PI4KA: variants seen among roughly 807,000 people sequenced by gnomAD.
The protein encoded by PI4KA is PI4-kinase alpha.
Under a neutral mutation model 271.4 loss-of-function variants are expected in PI4KA, and 122 were observed. That is an observed-to-expected ratio of 0.45 (90% CI 0.39 to 0.52). The LOEUF (loss-of-function observed/expected upper bound fraction) is 0.52. PI4KA is among the 20% of genes least tolerant of loss of function. PI4KA has a pLI of 0.00. For missense variants in PI4KA, 1,969 were observed against 2,769.1 expected (o/e 0.71, Z 6.48); for synonymous variants, 1,041 against 1,078.8 (o/e 0.96, Z 0.69).
chr22:20,742,796 T>C (rs1248561273), intron 30 of PI4KA, 32 bp from the exon 31 acceptor site: 2 of 1,610,728 alleles, frequency 1.2e-6, no homozygotes, highest in African/African-American at 2.7e-5. Context: ...CAACTAAGCA[T>C]ATAATCCAGG....
chr22:20,787,331 T>C (rs757459258), intron 19 of PI4KA: 2 of 496,836 alleles, frequency 4.0e-6, no homozygotes, highest in South Asian at 2.0e-5. Context: ...ACCTCCCCAC[T>C]CTTCACAGCA....
chr22:20,713,379 G>T lies in PI4KA; in HGVS notation c.5473C>A (p.Arg1825Ser), dbSNP rs749302136. ...SELEKEGLRC[R>S]SDSEDECSTQ... Reference sequence around the variant, plus strand: ...CTGCACTCATCCTCGGAGTCTGAGCGGCACCGCAGACCTGCCCGCAGGGAG... The same window carrying T: ...CTGCACTCATCCTCGGAGTCTGAGCTGCACCGCAGACCTGCCCGCAGGGAG... The change falls in exon 48 of 55, where the codon CGC becomes AGC. Residue 1825 changes from arginine (R) to serine (S), a missense_variant. This residue lies in a region of PI4KA where 388 missense variants were observed against 521.5 expected (regional missense o/e 0.74). Coordinates refer to ENST00000255882, the MANE Select transcript of PI4KA (RefSeq NM_058004.4). 1 of 1,576,758 alleles carries T rather than the reference G, an allele frequency of 6.3e-7. No individual in the cohort carries two copies. The highest frequency in any genetic ancestry group is 8.6e-7 in the Non-Finnish European group (1 of 1,159,496).
chr22:20,828,298 GAA>G (rs1166529113), intron 3 of PI4KA, among the ~76,000 whole-genome samples: 1 of 152,082 alleles, frequency 6.6e-6, no homozygotes, highest in East Asian at 1.9e-4. Flanking sequence ...TATAATCTAT[GAA>G]AAGAGATCGT....
chr22:20,840,583 C>T (rs1055757076), intron 1 of PI4KA, among the ~76,000 whole-genome samples: 31 of 152,044 alleles, frequency 2.0e-4, no homozygotes, highest in African/African-American at 7.5e-4. Context: ...GCAGCTGAGG[C>T]GAAGATGTTA....
intron 6 of PI4KA, among the ~76,000 whole-genome samples, chr22:20,819,087 A>T (rs1244887465): frequency 6.6e-6 from 1 of 152,216 alleles, no homozygotes; most frequent in Non-Finnish European, 1.5e-5. Context: ...TACACTATTT[A>T]TTGAGTATAA....
intron 45 of PI4KA, 55 bp from the exon 46 acceptor site, chr22:20,714,755 A>G: frequency 6.4e-7 from 1 of 1,573,288 alleles, no homozygotes; most frequent in Non-Finnish European, 8.7e-7. Flanking sequence ...CAGGTGAGCC[A>G]GAGTCAGTTT....
rs771228868 is a variant in PI4KA at position 20,813,394 on chromosome 22, G to A, written c.969C>T (p.Asn323=). The A allele has an allele frequency of 2.5e-6, 4 of 1,613,658 alleles. No homozygotes were observed. The East Asian group carries it at 8.9e-5, about 36-fold the overall frequency. The change falls in exon 8 of 55, where the codon AAC becomes AAT. Residue 323 remains asparagine (N), a synonymous_variant. Coordinates refer to ENST00000255882, the MANE Select transcript of PI4KA (RefSeq NM_058004.4). ...GTTCCCGAAGCATTTCCAATGGAAT[G>A]TTAAACTCCTTATATGTGACACCGT... ...LFNGVTYKEF[N]IPLEMLRELL...
Position 20,796,167 on chromosome 22 carries a change from G to A in PI4KA, c.2256C>T (p.Ser752=), listed in dbSNP as rs569657307. ...CTACCTTTAGGGCAGGGCCCTTCTC[G>A]CTTGCCCTCTCGCTGGCTCGCTTCC... The part of the protein sequence containing the change: ...LEGKRASERA[S]EKGPALKASS... The change falls in exon 18 of 55, where the codon AGC becomes AGT. Residue 752 remains serine, a synonymous_variant. Transcript: ENST00000255882. The A allele has an allele frequency of 6.1e-5, 98 of 1,613,702 alleles. No individual in the cohort carries two copies. In the African/African-American group the frequency reaches 8.9e-4, roughly 15 times the overall value.
chr22:20,817,734 C>CAAAAAAAAAAAAAA lies in PI4KA; in HGVS notation c.856+735_856+748dup. On this transcript the variant is annotated intron_variant, in intron 7 of 54. Coordinates refer to ENST00000255882, the MANE Select transcript of PI4KA (RefSeq NM_058004.4). The stretch of plus-strand genomic sequence containing the variant: ...GGGTGGCAGAGTGAGACTCTCTCTC[C>CAAAAAAAAAAAAAA]AAAAAAAAAAAAAAAAAAAAAAAAA... 9.3e-4 allele frequency among the ~76,000 whole-genome samples: 13 copies of CAAAAAAAAAAAAAA among 13,972 alleles called. 2 individuals carry two copies. The highest frequency in any genetic ancestry group is 1.5e-3 in the Non-Finnish European group (11 of 7,462). 9.2% of individuals were successfully genotyped at this position (13,972 alleles called of 152,430 possible).
chr22:20,758,452 T>C (rs1277205815), intron 23 of PI4KA, among the ~76,000 whole-genome samples: 2 of 129,974 alleles, frequency 1.5e-5, no homozygotes, highest in Non-Finnish European at 3.2e-5. Context: ...TGATTTTTCT[T>C]TCTTTTCTTT....
At chr22:20,809,584 A>G (rs1935876313) in intron 9 of PI4KA, among the ~76,000 whole-genome samples, 1 of 152,114 alleles carries the variant, frequency 6.6e-6, no homozygotes, top group African/African-American at 2.4e-5. Context: ...CACTTGTCTA[A>G]CTGCCCAGCC....
intron 19 of PI4KA, among the ~76,000 whole-genome samples, chr22:20,768,286 G>A (rs1932714596): frequency 6.6e-6 from 1 of 151,906 alleles, no homozygotes; most frequent in South Asian, 2.1e-4. Flanking sequence ...TGCCCAGGGT[G>A]GTATTAAACT....
At chr22:20,735,613 C>T (rs537169233) in intron 32 of PI4KA, among the ~76,000 whole-genome samples, 1 of 152,236 alleles carries the variant, frequency 6.6e-6, no homozygotes, top group East Asian at 1.9e-4. Flanking sequence ...CAGCTGGCCT[C>T]TGCCTTTTGC....
chr22:20,831,574 C>A (rs566062083), intron 3 of PI4KA, among the ~76,000 whole-genome samples: 179 of 143,048 alleles, frequency 1.3e-3, no homozygotes, highest in Admixed American at 4.4e-3. Context: ...TCTCAAAACA[C>A]AAACAAAAAC....
At chr22:20,802,237 C>A in intron 13 of PI4KA, 132 bp from the exon 14 acceptor site, 1 of 674,340 alleles carries the variant, frequency 1.5e-6, no homozygotes, top group South Asian at 2.0e-5. Flanking sequence ...AACATCTGAC[C>A]AAATATTTCA....
chr22:20,732,465 G>T (rs7291755), intron 36 of PI4KA, among the ~76,000 whole-genome samples: 43 of 152,296 alleles, frequency 2.8e-4, no homozygotes, highest in Non-Finnish European at 4.9e-4. Flanking sequence ...CCTGCATGCC[G>T]GTGCAGCCAT....
chr22:20,730,829 C>G (rs1479132822), intron 36 of PI4KA, among the ~76,000 whole-genome samples: 1 of 152,096 alleles, frequency 6.6e-6, no homozygotes, highest in East Asian at 1.9e-4. Context: ...CTTGGCCTCC[C>G]AAAGTGCTGG....
intron 19 of PI4KA, among the ~76,000 whole-genome samples, chr22:20,781,622 C>T (rs1933805865): frequency 6.6e-6 from 1 of 152,226 alleles, no homozygotes. Context: ...CACTCTGACA[C>T]CCAGGTTTCC....
Position 20,707,927 on chromosome 22 carries a change from C to A in PI4KA, c.*120G>T. 1 of 926,752 alleles carries A rather than the reference C, an allele frequency of 1.1e-6. No individual in the cohort carries two copies. The highest frequency in any genetic ancestry group is 1.8e-6 in the Non-Finnish European group (1 of 554,994). The allele number at this position is 926,752 out of a possible 1,614,324, so 57.4% of individuals were successfully genotyped here. ...CTGCCCCAGGAGGCGCTACCAGGTT[C>A]TTTGGGCCACAGGCCTCTCCTCCAC... On this transcript the variant is annotated 3_prime_UTR_variant, in exon 55 of 55. Transcript: ENST00000255882.
Sources: gnomAD v4.1 joint callset for allele counts (sites outside exome capture counted in the v4.1 genomes callset) on GRCh38, gnomAD v4.1.1 for gene constraint, gnomAD v4.1.1 regional missense constraint, MANE v1.5 for transcripts, NCBI Gene and HGNC (gene_info 2026-07-23, HGNC 2026-07-21) for gene names.